PEX14: variants seen among roughly 807,000 people sequenced by gnomAD.
The protein encoded by PEX14 is peroxisomal membrane protein PEX14.
Under a neutral mutation model 49.5 loss-of-function variants are expected in PEX14, and 15 were observed. That is an observed-to-expected ratio of 0.30 (90% CI 0.20 to 0.47). PEX14 has a LOEUF of 0.47. PEX14 is among the 20% of genes least tolerant of loss of function. The probability of loss-of-function intolerance (pLI) is 1.00; values close to 1 mark genes in which losing one functional copy is unlikely to be tolerated. For missense variants in PEX14, 398 were observed against 494.8 expected (o/e 0.80, Z 1.86); for synonymous variants, 210 against 212.7 (o/e 0.99, Z 0.11).
chr1:10,475,122 TG>T (rs1380813938), intron 1 of PEX14, 120 bp downstream of exon 1: 3 of 924,188 alleles, frequency 3.2e-6, no homozygotes, highest in African/African-American at 1.6e-5. Context: ...CCCGACCTCT[TG>T]CCCCCTCCTG....
intron 3 of PEX14, among the ~76,000 whole-genome samples, chr1:10,591,744 C>T (rs1640675549): frequency 6.6e-6 from 1 of 151,104 alleles, no homozygotes; most frequent in Admixed American, 6.6e-5. Context: ...TTTCTTCTTT[C>T]GGGGGTGTTA....
intron 4 of PEX14, among the ~76,000 whole-genome samples, chr1:10,609,816 C>T (rs1017269830): frequency 3.9e-5 from 6 of 151,956 alleles, no homozygotes; most frequent in African/African-American, 4.8e-5. Flanking sequence ...ACCCGGGAGG[C>T]GGAGGTTGCA....
rs1641341447 is a variant in PEX14, at chr1:10,613,947, T to C, written c.299-4385T>C. 6.6e-6 allele frequency among the ~76,000 whole-genome samples: 1 copy of C among 152,210 alleles called. No individual in the cohort carries two copies. The highest frequency in any genetic ancestry group is 1.5e-5 in the Non-Finnish European group (1 of 68,034). Reference sequence around the variant, plus strand: ...GCTAGAGAAGAGTGACTGCCCCATCTCCTGCCCTTGTCTTTATACCTCCGG... The same window carrying C: ...GCTAGAGAAGAGTGACTGCCCCATCCCCTGCCCTTGTCTTTATACCTCCGG... On this transcript the variant is annotated intron_variant, in intron 4 of 8. Transcript: ENST00000356607. The surrounding 1 kb of genome is among the most constrained non-coding windows in gnomAD (Gnocchi z 5.0).
intron 2 of PEX14, among the ~76,000 whole-genome samples, chr1:10,531,995 C>T (rs1638663004): frequency 6.6e-6 from 1 of 152,190 alleles, no homozygotes; most frequent in African/African-American, 2.4e-5. Context: ...GTTCTTCTCA[C>T]TGGGGATTAC....
At chr1:10,545,404 C>T (rs952580398) in intron 3 of PEX14, among the ~76,000 whole-genome samples, 2 of 152,166 alleles carry the variant, frequency 1.3e-5, no homozygotes, top group Admixed American at 6.5e-5. Context: ...AGAAACTTCT[C>T]AACTGTTTTT....
intron 3 of PEX14, among the ~76,000 whole-genome samples, chr1:10,575,081 A>C (rs1457134074): frequency 6.6e-6 from 1 of 152,050 alleles, no homozygotes; most frequent in Non-Finnish European, 1.5e-5. Context: ...AAATAAAAAA[A>C]AAAAAGGAAG....
intron 3 of PEX14, among the ~76,000 whole-genome samples, chr1:10,571,663 G>T (rs936699888): frequency 6.6e-6 from 1 of 152,028 alleles, no homozygotes; most frequent in South Asian, 2.1e-4. Flanking sequence ...ACAAAAATTA[G>T]CTGGGTGTGG....
intron 1 of PEX14, among the ~76,000 whole-genome samples, chr1:10,477,272 G>T (rs1416917521): frequency 6.6e-6 from 1 of 151,890 alleles, no homozygotes; most frequent in East Asian, 1.9e-4. Context: ...GGGTTTCACC[G>T]TGTTAGCCAG....
chr1:10,624,423 C>A lies in PEX14; in HGVS notation c.571C>A (p.Leu191Met). 6.2e-7 allele frequency: 1 copy of A among 1,610,152 alleles called. No homozygotes were observed. Among genetic ancestry groups the A allele is most frequent in the Non-Finnish European group, 8.5e-7 (1 of 1,176,942 alleles). Reference sequence around the variant, plus strand: ...GAAGATCCAGGAGCTTGCCCACGAGCTGGCCGCTGCCAAGGTACCTGTCTC... The same window carrying A: ...GAAGATCCAGGAGCTTGCCCACGAGATGGCCGCTGCCAAGGTACCTGTCTC... The part of the protein sequence containing the change: ...QQKIQELAHE[L>M]AAAKATTSTN... Residue 191 changes from leucine to methionine, a missense_variant, in exon 7 of 9, where the codon CTG (leucine) becomes ATG (methionine). Coordinates refer to ENST00000356607, the MANE Select transcript of PEX14 (RefSeq NM_004565.3).
intron 3 of PEX14, among the ~76,000 whole-genome samples, chr1:10,548,967 A>G (rs1639256005): frequency 6.6e-6 from 1 of 152,138 alleles, no homozygotes; most frequent in African/African-American, 2.4e-5. Context: ...TATTCTTTTT[A>G]GTTTTAAAGC....
At chr1:10,621,326 C>A (rs1234420432) in intron 5 of PEX14, among the ~76,000 whole-genome samples, 2 of 149,980 alleles carry the variant, frequency 1.3e-5, no homozygotes, top group African/African-American at 4.9e-5. Context: ...GTTGGTTACA[C>A]ACACATATAT....
chr1:10,610,841 C>A (rs1368809533), intron 4 of PEX14, among the ~76,000 whole-genome samples: 1 of 152,178 alleles, frequency 6.6e-6, no homozygotes, highest in Non-Finnish European at 1.5e-5. Context: ...ATATCTCTGT[C>A]ACATGTTTTC....
Position 10,587,236 on chromosome 1 carries a change from C to G in PEX14, c.170-12002C>G, listed in dbSNP as rs547323389. 3.3e-5 allele frequency among the ~76,000 whole-genome samples: 5 copies of G among 152,164 alleles called. No individual in the cohort carries two copies. In the East Asian group the frequency reaches 9.7e-4, roughly 29 times the overall value. Reference sequence around the variant, plus strand: ...CTTTGGGAGGCCGAGGCAGATGGATCACGTGAAGCCAGGAGTTTGAGACCA... The same window carrying G: ...CTTTGGGAGGCCGAGGCAGATGGATGACGTGAAGCCAGGAGTTTGAGACCA... On this transcript the variant is annotated intron_variant, in intron 3 of 8. Transcript: ENST00000356607.
At chr1:10,542,154 G>A (rs2124493417) in intron 3 of PEX14, among the ~76,000 whole-genome samples, 1 of 152,094 alleles carries the variant, frequency 6.6e-6, no homozygotes, top group Non-Finnish European at 1.5e-5. Context: ...AGTAGAGAAG[G>A]GTATACAGTA....
intron 4 of PEX14, among the ~76,000 whole-genome samples, chr1:10,608,232 A>G (rs537136694): frequency 1.1e-4 from 16 of 152,152 alleles, no homozygotes; most frequent in Non-Finnish European, 2.2e-4. Flanking sequence ...TAGGTCTGTG[A>G]TCTATTCTTA....
chr1:10,536,304 G>A lies in PEX14; in HGVS notation c.169+7G>A. On this transcript the variant is annotated splice_region_variant and intron_variant, in intron 3 of 8. Transcript: ENST00000356607. ...GCATTCCTAAAGAAGAAAGGTACAG[G>A]TTCCACAGGGCTGTGCAGCACGGCC... 6.5e-7 allele frequency: 1 copy of A among 1,545,452 alleles called. No individual in the cohort carries two copies. Among genetic ancestry groups the A allele is most frequent in the Non-Finnish European group, 9.0e-7 (1 of 1,116,770 alleles).
chr1:10,485,983 C>G (rs1641361746), intron 1 of PEX14, among the ~76,000 whole-genome samples: 1 of 151,768 alleles, frequency 6.6e-6, no homozygotes, highest in African/African-American at 2.4e-5. Context: ...GTCTTGAACT[C>G]CTGACCTCAG....
chr1:10,525,915 C>T (rs952201496), intron 2 of PEX14, among the ~76,000 whole-genome samples: 7 of 149,640 alleles, frequency 4.7e-5, no homozygotes, highest in Non-Finnish European at 1.0e-4. Flanking sequence ...TGAGCCACTG[C>T]GCCTGGCTGA....
At chr1:10,490,597 C>T (rs1026887135) in intron 1 of PEX14, among the ~76,000 whole-genome samples, 7 of 151,994 alleles carry the variant, frequency 4.6e-5, no homozygotes, top group Admixed American at 1.3e-4. Flanking sequence ...GCTTTCTTCT[C>T]TTCCTGCTCT....
Sources: allele counts gnomAD v4.1 joint callset (sites outside exome capture counted in the v4.1 genomes callset), GRCh38; gene constraint gnomAD v4.1.1; non-coding constraint Gnocchi (gnomAD v3.1); transcripts MANE v1.5; gene names NCBI Gene and HGNC (gene_info 2026-07-23, HGNC 2026-07-21).